PIRT: variants seen among roughly 807,000 people sequenced by gnomAD.
The protein encoded by PIRT is phosphoinositide interacting regulator of transient receptor potential channels, also known as phosphoinositide-interacting protein.
PIRT carries 6 observed loss-of-function variants against 7.9 expected under a neutral mutation model. The ratio of observed to expected loss-of-function variants is 0.76; its 90% confidence interval spans 0.42 to 1.51. The LOEUF (loss-of-function observed/expected upper bound fraction) is 1.51, where lower values mean the gene tolerates loss of function less well. Among genes scored for constraint, PIRT ranks in the 40% most tolerant of loss-of-function variants. The probability of loss-of-function intolerance (pLI) is 0.01; values close to 1 mark genes in which losing one functional copy is unlikely to be tolerated. For synonymous variants in PIRT, 78 were observed against 71.8 expected (o/e 1.09, Z -0.44); for missense variants, 170 against 172.9 (o/e 0.98, Z 0.09).
intron 1 of PIRT, among the ~76,000 whole-genome samples, chr17:10,834,297 C>T (rs1905531462): frequency 6.6e-6 from 1 of 152,194 alleles, no homozygotes; most frequent in African/African-American, 2.4e-5. Flanking sequence ...AAGGAGCTAA[C>T]TTCTGAAGCG....
chr17:10,827,333 A>C (rs970175048), intron 1 of PIRT, among the ~76,000 whole-genome samples: 4 of 152,138 alleles, frequency 2.6e-5, no homozygotes, highest in African/African-American at 9.7e-5. Context: ...ATGGTCACCC[A>C]TGTGGAGCAA....
rs750206924 is a variant in PIRT, at chr17:10,825,298, C to G, written c.348G>C (p.Lys116Asn). Residue 116 changes from lysine to asparagine, a missense_variant, in exon 2 of 2, where the codon AAG becomes AAC. By Grantham distance (94) the Lys-to-Asn change is moderately conservative (BLOSUM62 0). Transcript: ENST00000580256. ...CGLVWVPIIK[K>N]KQKHRQKSNF... Reference sequence around the variant, plus strand: ...TCGACTTCTGTCTGTGCTTCTGTTTCTTTTTGATGATGGGCACCCACACCA... The same window carrying G: ...TCGACTTCTGTCTGTGCTTCTGTTTGTTTTTGATGATGGGCACCCACACCA... 1.9e-6 allele frequency: 3 copies of G among 1,613,842 alleles called. No homozygotes were observed. Among genetic ancestry groups the G allele is most frequent in the Non-Finnish European group, 1.7e-6 (2 of 1,179,906 alleles).
chr17:10,825,942 C>G (rs1905303702), intron 1 of PIRT, among the ~76,000 whole-genome samples, 159 bp from the exon 2 acceptor site: 1 of 151,700 alleles, frequency 6.6e-6, no homozygotes, highest in South Asian at 2.1e-4. Flanking sequence ...TAGAAACAAA[C>G]AAGTTATAGT....
chr17:10,831,594 T>C (rs1359317388), intron 1 of PIRT, among the ~76,000 whole-genome samples: 1 of 152,180 alleles, frequency 6.6e-6, no homozygotes, highest in African/African-American at 2.4e-5. Context: ...TCTGAGCCTC[T>C]GGAAAGACCC....
chr17:10,825,182 T>C lies in PIRT; in HGVS notation c.*50A>G, dbSNP rs1347370805. ...AGGAGACAGGGATGTCGGATGTTGG[T>C]CATCAGATCTTCTCCCAGTCAAGGT... On this transcript the variant is annotated 3_prime_UTR_variant, in exon 2 of 2. Coordinates refer to ENST00000580256, the MANE Select transcript of PIRT (RefSeq NM_001101387.2). 6.3e-7 allele frequency: 1 copy of C among 1,584,798 alleles called. No individual in the cohort carries two copies. Among genetic ancestry groups the C allele is most frequent in the East Asian group, 2.2e-5 (1 of 44,582 alleles).
At chr17:10,830,636 A>G (rs1443092233) in intron 1 of PIRT, among the ~76,000 whole-genome samples, 4 of 152,238 alleles carry the variant, frequency 2.6e-5, no homozygotes, top group African/African-American at 9.6e-5. Flanking sequence ...TTATAAAATG[A>G]AGGAGTTTTC....
At chr17:10,835,657 C>G (rs1046926918) in intron 1 of PIRT, among the ~76,000 whole-genome samples, 7 of 152,198 alleles carry the variant, frequency 4.6e-5, no homozygotes, top group African/African-American at 9.7e-5. Context: ...TTAGAGCTGC[C>G]AAGGACGCCG....
chr17:10,826,943 G>A (rs892389934), intron 1 of PIRT, among the ~76,000 whole-genome samples: 7 of 152,128 alleles, frequency 4.6e-5, no homozygotes, highest in Non-Finnish European at 8.8e-5. Context: ...CTCCTGAGTA[G>A]TGGGGATTAC....
rs1905289279 is a variant in PIRT, at chr17:10,825,440, C to T, written c.206G>A (p.Gly69Asp). The T allele has an allele frequency of 1.9e-6, 3 of 1,613,870 alleles. No homozygotes were observed. The highest frequency in any genetic ancestry group is 1.7e-6 in the Non-Finnish European group (2 of 1,179,864). Residue 69 changes from glycine (G) to aspartate (D), a missense_variant, in exon 2 of 2, where the codon GGC becomes GAC. Coordinates refer to ENST00000580256, the MANE Select transcript of PIRT (RefSeq NM_001101387.2). The stretch of plus-strand genomic sequence containing the variant: ...GTAGGCCAAGCAGGTGATGACCACG[C>T]CGAAAAGCAGGATGGCACCGCCCAC... ...MSVGGAILLF[G>D]VVITCLAYTL...
chr17:10,825,623 T>G lies in PIRT; in HGVS notation c.23A>C (p.Lys8Thr). The change falls in exon 2 of 2, where the codon AAG becomes ACG. Residue 8 changes from lysine (K) to threonine (T), a missense_variant. Physicochemically the swap from Lys to Thr is moderately conservative, Grantham distance 78 (BLOSUM62 -1). Transcript: ENST00000580256. MTMETLP[K>T]VLEVDEKSPE... Reference sequence around the variant, plus strand: ...AGACTTCTCATCGACCTCTAGAACCTTGGGGAGAGTCTCCATCGTCATGGT... The same window carrying G: ...AGACTTCTCATCGACCTCTAGAACCGTGGGGAGAGTCTCCATCGTCATGGT... The G allele has an allele frequency of 6.7e-7, 1 of 1,497,106 alleles. No individual in the cohort carries two copies. The highest frequency in any genetic ancestry group is 8.9e-7 in the Non-Finnish European group (1 of 1,120,382). 92.7% of individuals were successfully genotyped at this position (1,497,106 alleles called of 1,614,324 possible).
chr17:10,831,908 C>T (rs1384466260), intron 1 of PIRT, among the ~76,000 whole-genome samples: 1 of 152,150 alleles, frequency 6.6e-6, no homozygotes, highest in Non-Finnish European at 1.5e-5. Context: ...TCCTTCTCCC[C>T]TGGAGGCCAG....
chr17:10,829,037 AT>A (rs139688071), intron 1 of PIRT, among the ~76,000 whole-genome samples: 46 of 152,184 alleles, frequency 3.0e-4, no homozygotes, highest in African/African-American at 1.0e-3. Flanking sequence ...TTAAAAGGTG[AT>A]TTTTTTCCCC....
chr17:10,833,137 A>G (rs142240605), intron 1 of PIRT, among the ~76,000 whole-genome samples: 275 of 152,376 alleles, frequency 1.8e-3, no homozygotes, highest in Non-Finnish European at 2.7e-3. Flanking sequence ...AGTCATTTCA[A>G]CAAATGGTGC....
In PIRT at chr17:10,825,393, T is replaced by A. The variant is rs765442098; in HGVS notation, c.253A>T (p.Ser85Cys). Residue 85 changes from serine to cysteine, a missense_variant, in exon 2 of 2, where the codon AGT becomes TGT. Coordinates refer to ENST00000580256, the MANE Select transcript of PIRT (RefSeq NM_001101387.2). ...LAYTLKLSDK[S>C]LSILKMVGPG... is the part of the protein sequence containing the mutation. ...CCTACCATTTTGAGGATGGAGAGAC[T>A]CTTGTCACTCAGCTTCAAGGTGTAG... 1.2e-6 allele frequency: 2 copies of A among 1,613,816 alleles called. No homozygotes were observed. The highest frequency in any genetic ancestry group is 2.7e-5 in the African/African-American group (2 of 74,886).
chr17:10,837,186 G>T (rs1032983210), intron 1 of PIRT, among the ~76,000 whole-genome samples: 1 of 152,232 alleles, frequency 6.6e-6, no homozygotes, highest in South Asian at 2.1e-4. Flanking sequence ...CACCTCCCTT[G>T]TTGGGCCACC....
At position 10,837,378 on chromosome 17, in the gene PIRT, C is replaced by A. The variant is rs186104529; in HGVS notation, c.-139+567G>T. 3.3e-4 allele frequency among the ~76,000 whole-genome samples: 50 copies of A among 152,344 alleles called. No homozygotes were observed. The East Asian group carries it at 9.1e-3, about 28-fold the overall frequency. Reference sequence around the variant, plus strand: ...TGTTCCCCCTGTCTGAGATAAAACTCCCGAGGCAGCCAACGCACTCCACCT... The same window carrying A: ...TGTTCCCCCTGTCTGAGATAAAACTACCGAGGCAGCCAACGCACTCCACCT... On this transcript the variant is annotated intron_variant, in intron 1 of 1. Coordinates refer to ENST00000580256, the MANE Select transcript of PIRT (RefSeq NM_001101387.2).
chr17:10,830,300 C>T (rs1905434181), intron 1 of PIRT, among the ~76,000 whole-genome samples: 1 of 152,170 alleles, frequency 6.6e-6, no homozygotes, highest in African/African-American at 2.4e-5. Flanking sequence ...AAGAATTAAG[C>T]CTACTTATTC....
Position 10,825,085 on chromosome 17 carries a change from A to T in PIRT, c.*147T>A, listed in dbSNP as rs2151532770. The stretch of plus-strand genomic sequence containing the variant: ...ACATTCCCGGCTGCATGGAGGGTGG[A>T]GCCCCAAGCTCTATCTTCCCCACAG... On this transcript the variant is annotated 3_prime_UTR_variant, in exon 2 of 2. Transcript: ENST00000580256. The T allele has an allele frequency of 9.7e-7, 1 of 1,035,634 alleles. No homozygotes were observed. Among genetic ancestry groups the T allele is most frequent in the East Asian group, 2.6e-5 (1 of 38,272 alleles). 64.2% of individuals were successfully genotyped at this position (1,035,634 alleles called of 1,614,324 possible). A position where few individuals can be genotyped will look rare whatever the true frequency, so the allele number is the denominator to read the frequency against.
intron 1 of PIRT, among the ~76,000 whole-genome samples, chr17:10,826,344 T>G (rs1905313103): frequency 6.6e-6 from 1 of 152,244 alleles, no homozygotes. Flanking sequence ...TTACTCAACC[T>G]CTCTTTGTCT....
Sources: gnomAD v4.1 joint callset for allele counts (sites outside exome capture counted in the v4.1 genomes callset) on GRCh38, gnomAD v4.1.1 for gene constraint, MANE v1.5 for transcripts, NCBI Gene and HGNC (gene_info 2026-07-23, HGNC 2026-07-21) for gene names.